Variants in ZFAND3 observed in about 807,000 individuals in gnomAD.
ZFAND3 encodes the protein AN1-type zinc finger protein 3.
Under a neutral mutation model 29.6 loss-of-function variants are expected in ZFAND3, and 10 were observed. That is an observed-to-expected ratio of 0.34 (90% confidence interval 0.21 to 0.57). The LOEUF is 0.57. Among genes scored for constraint, ZFAND3 ranks in the 20% least tolerant of loss-of-function variants. ZFAND3 has a pLI of 0.86. For missense variants in ZFAND3, 230 were observed against 304.5 expected (o/e 0.76, Z 1.82); for synonymous variants, 128 against 112.6 (o/e 1.14, Z -0.87).
chr6:38,089,989 G>A (rs908669201), intron 4 of ZFAND3, among the ~76,000 whole-genome samples: 6 of 152,140 alleles, frequency 3.9e-5, no homozygotes, highest in African/African-American at 1.4e-4. Flanking sequence ...GAGTAGCTGG[G>A]ACTACAGGTG....
chr6:38,094,024 A>C (rs1186148935), intron 4 of ZFAND3, among the ~76,000 whole-genome samples: 2 of 152,198 alleles, frequency 1.3e-5, no homozygotes, highest in Non-Finnish European at 2.9e-5. Context: ...ATTTCTATCT[A>C]AGAGTGTAAG....
intron 2 of ZFAND3, among the ~76,000 whole-genome samples, chr6:38,001,533 T>C (rs1162912752): frequency 6.6e-6 from 1 of 152,240 alleles, no homozygotes; most frequent in East Asian, 1.9e-4. Context: ...ATTACAGTCT[T>C]ATCTTTTAGT....
chr6:37,886,797 C>T (rs1353509168), intron 1 of ZFAND3, among the ~76,000 whole-genome samples: 1 of 152,130 alleles, frequency 6.6e-6, no homozygotes, highest in Non-Finnish European at 1.5e-5. Flanking sequence ...GGGTTCAAGA[C>T]CAGGTTGGCC....
intron 2 of ZFAND3, among the ~76,000 whole-genome samples, chr6:37,951,897 C>T (rs1337654904): frequency 1.3e-5 from 2 of 152,112 alleles, no homozygotes; most frequent in African/African-American, 4.8e-5. Context: ...GTTTTTAACA[C>T]GAAGCGATGT....
chr6:38,093,893 C>T (rs1764921611), intron 4 of ZFAND3, among the ~76,000 whole-genome samples: 1 of 151,912 alleles, frequency 6.6e-6, no homozygotes, highest in Admixed American at 6.6e-5. Flanking sequence ...AAATAGTGAA[C>T]TATTTTGCCC....
At chr6:37,932,396 C>T (rs1299068352) in intron 2 of ZFAND3, among the ~76,000 whole-genome samples, 2 of 152,194 alleles carry the variant, frequency 1.3e-5, no homozygotes, top group Non-Finnish European at 2.9e-5. Flanking sequence ...AGCAGTGAGA[C>T]AAAATGTATA....
At chr6:37,921,245 C>T (rs745929510) in intron 1 of ZFAND3, among the ~76,000 whole-genome samples, 11 of 152,070 alleles carry the variant, frequency 7.2e-5, no homozygotes, top group Non-Finnish European at 1.3e-4. Context: ...TACAGATTGA[C>T]TCCCTTCACT....
intron 3 of ZFAND3, among the ~76,000 whole-genome samples, chr6:38,064,619 T>A (rs1764305847): frequency 6.6e-6 from 1 of 151,194 alleles, no homozygotes; most frequent in Admixed American, 6.6e-5. Flanking sequence ...ATCCACATCA[T>A]AACCAAGAGT....
At position 38,154,378 on chromosome 6, in the gene ZFAND3, G is replaced by T. The variant is rs916423774; in HGVS notation, c.*1989G>T. 130 of 719,100 alleles carry T rather than the reference G, an allele frequency of 1.8e-4. 2 individuals carry two copies. In the African/African-American group the frequency reaches 2.4e-3, roughly 13 times the overall value. The allele number at this position is 719,100 out of a possible 1,614,324, so 44.5% of individuals were successfully genotyped here. On this transcript the variant is annotated 3_prime_UTR_variant, in exon 6 of 6. Coordinates refer to ENST00000287218, the MANE Select transcript of ZFAND3 (RefSeq NM_021943.3). The stretch of plus-strand genomic sequence containing the variant: ...TTCGCTTCCTGACTTAGAGCTGGGG[G>T]GGGTGGGGGGTGGGGCTTGTTCCCC...
intron 2 of ZFAND3, among the ~76,000 whole-genome samples, chr6:38,045,053 C>CT (rs1199057115): frequency 1.7e-5 from 2 of 114,496 alleles, no homozygotes; most frequent in Non-Finnish European, 3.9e-5. Flanking sequence ...TGTGGAAATT[C>CT]TTTTATTTAT....
chr6:38,111,799 T>C (rs1480050087), intron 4 of ZFAND3, among the ~76,000 whole-genome samples: 1 of 152,206 alleles, frequency 6.6e-6, no homozygotes, highest in Admixed American at 6.5e-5. Context: ...TCAGAAGTTA[T>C]ATGAAAATTT....
At chr6:38,109,310 G>A (rs1346389565) in intron 4 of ZFAND3, among the ~76,000 whole-genome samples, 1 of 151,798 alleles carries the variant, frequency 6.6e-6, no homozygotes, top group Non-Finnish European at 1.5e-5. Context: ...AACCTCCTGA[G>A]TAGCCAGAAC....
At position 37,986,589 on chromosome 6, in the gene ZFAND3, C is replaced by T. The variant is rs190444756; in HGVS notation, c.112+56590C>T. ...AATAAGCGTTTAATTAGTGAAAACC[C>T]GACTACCTCCCAACCCCGTCTGTCC... On this transcript the variant is annotated intron_variant, in intron 2 of 5. Transcript: ENST00000287218. Among the ~76,000 whole-genome samples, 4 of 152,168 alleles carry T rather than the reference C, an allele frequency of 2.6e-5. No homozygotes were observed. In the East Asian group the frequency reaches 5.8e-4, roughly 22 times the overall value.
chr6:37,943,308 C>T (rs1005966337), intron 2 of ZFAND3, among the ~76,000 whole-genome samples: 1 of 152,092 alleles, frequency 6.6e-6, no homozygotes, highest in African/African-American at 2.4e-5. Flanking sequence ...TTAAATTGTT[C>T]AGTTTTCTGA....
At position 37,819,858 on chromosome 6, in the gene ZFAND3, A is replaced by C. The variant is rs1763625271; in HGVS notation, c.-88A>C. ...CCCTCCCCCCGCCCCGAGCCCCCCG[A>C]CGCCGCCGCCACCGCCTCCTCAGAG... On this transcript the variant is annotated 5_prime_UTR_variant, in exon 1 of 6. Coordinates refer to ENST00000287218, the MANE Select transcript of ZFAND3 (RefSeq NM_021943.3). The C allele has an allele frequency of 2.2e-5, 12 of 542,884 alleles. No homozygotes were observed. The highest frequency in any genetic ancestry group is 8.6e-5 in the South Asian group (1 of 11,646). The allele number at this position is 542,884 out of a possible 1,614,324, so 33.6% of individuals were successfully genotyped here. A position where few individuals can be genotyped will look rare whatever the true frequency, so the allele number is the denominator to read the frequency against.
At chr6:38,088,704 C>G (rs1342934212) in intron 4 of ZFAND3, among the ~76,000 whole-genome samples, 1 of 152,172 alleles carries the variant, frequency 6.6e-6, no homozygotes, top group East Asian at 1.9e-4. Flanking sequence ...TACTCTTCTT[C>G]CAGCACATAT....
At position 38,003,822 on chromosome 6, in the gene ZFAND3, A is replaced by T. The variant is rs1279201186; in HGVS notation, c.113-57771A>T. On this transcript the variant is annotated intron_variant, in intron 2 of 5. Coordinates refer to ENST00000287218, the MANE Select transcript of ZFAND3 (RefSeq NM_021943.3). ...TGCCTGGCTAGTCCAGAATCTTAAC[A>T]TTGCTATTTGTATATCTTTTTCCTT... 1.5e-5 allele frequency: 7 copies of T among 452,166 alleles called. No homozygotes were observed. In the Admixed American group the frequency reaches 1.7e-4, roughly 11 times the overall value. The allele number at this position is 452,166 out of a possible 1,614,324, so 28.0% of individuals were successfully genotyped here.
At chr6:37,964,543 A>T (rs756911057) in intron 2 of ZFAND3, among the ~76,000 whole-genome samples, 2 of 152,128 alleles carry the variant, frequency 1.3e-5, no homozygotes, top group Admixed American at 6.6e-5. Context: ...GCCATCTTTG[A>T]TTTCTGACAT....
At chr6:37,906,746 T>A (rs1217761669) in intron 1 of ZFAND3, among the ~76,000 whole-genome samples, 1 of 151,948 alleles carries the variant, frequency 6.6e-6, no homozygotes, top group Non-Finnish European at 1.5e-5. Context: ...TAGTGTATCT[T>A]ATTGTGGTTT....
Sources: gnomAD v4.1 joint callset for allele counts (sites outside exome capture counted in the v4.1 genomes callset) on GRCh38, gnomAD v4.1.1 for gene constraint, MANE v1.5 for transcripts, NCBI Gene and HGNC (gene_info 2026-07-23, HGNC 2026-07-21) for gene names.